KIAA1328: variants seen among roughly 807,000 people sequenced by gnomAD.
The protein encoded by KIAA1328 is KIAA1328, also known as protein hinderin.
A neutral mutation model predicts 68.1 loss-of-function variants in KIAA1328; 52 were observed. The ratio of observed to expected loss-of-function variants is 0.76; its 90% CI spans 0.61 to 0.96. The LOEUF (loss-of-function observed/expected upper bound fraction) is 0.96. Ranked by LOEUF, KIAA1328 falls within the 40% of genes least tolerant of loss-of-function variation. KIAA1328 has a pLI of 0.00. For missense variants in KIAA1328, 641 were observed against 677.6 expected, an observed-to-expected ratio of 0.95 and a Z score of 0.60; for synonymous variants, 232 against 239.4, an observed-to-expected ratio of 0.97 and a Z score of 0.28.
At chr18:37,151,100 A>G (rs2059018760) in intron 7 of KIAA1328, among the ~76,000 whole-genome samples, 1 of 152,222 alleles carries the variant, frequency 6.6e-6, no homozygotes, top group African/African-American at 2.4e-5. Context: ...CAATCACAGA[A>G]TGCAAATTCA....
At chr18:37,111,161 CT>C (rs2057919285) in intron 7 of KIAA1328, among the ~76,000 whole-genome samples, 1 of 152,166 alleles carries the variant, frequency 6.6e-6, no homozygotes, top group African/African-American at 2.4e-5. Context: ...AAGGAATTTG[CT>C]TACACAGCTG....
chr18:37,081,220 G>T (rs1430886601), intron 7 of KIAA1328, among the ~76,000 whole-genome samples: 1 of 152,058 alleles, frequency 6.6e-6, no homozygotes, highest in African/African-American at 2.4e-5. Flanking sequence ...GATCTCAAGT[G>T]ATCCACCCTC....
At chr18:37,062,027 G>C (rs1005557676) in intron 6 of KIAA1328, among the ~76,000 whole-genome samples, 8 of 152,086 alleles carry the variant, frequency 5.3e-5, no homozygotes, top group Non-Finnish European at 2.9e-5. Context: ...GTTAGATATG[G>C]TCCACGCGCT....
chr18:36,835,324 C>T lies in KIAA1328; in HGVS notation c.185C>T (p.Ala62Val). ...CTTAAGACTTCCAGGGTGACTGATG[C>T]TTCAATCTCCATGGAGTCCTTAAAA... ...VKLKTSRVTDASISMESLKGT... is the reference protein window; with the variant it reads ...VKLKTSRVTDVSISMESLKGT... The change falls in exon 3 of 10, where the codon GCT becomes GTT. Residue 62 changes from alanine (A) to valine (V), a missense_variant. By Grantham distance (64) the Ala-to-Val change is moderately conservative. Coordinates refer to ENST00000280020, the MANE Select transcript of KIAA1328 (RefSeq NM_020776.3). 6.2e-7 allele frequency: 1 copy of T among 1,613,678 alleles called. No homozygotes were observed. Among genetic ancestry groups the T allele is most frequent in the South Asian group, 1.1e-5 (1 of 91,062 alleles).
intron 6 of KIAA1328, among the ~76,000 whole-genome samples, chr18:37,017,448 G>A (rs1471225817): frequency 6.6e-6 from 1 of 152,100 alleles, no homozygotes; most frequent in East Asian, 1.9e-4. Flanking sequence ...TGGTTGATGG[G>A]TCATGTACTC....
intron 7 of KIAA1328, among the ~76,000 whole-genome samples, chr18:37,149,155 C>T (rs1169805348): frequency 5.9e-5 from 9 of 152,012 alleles, no homozygotes; most frequent in African/African-American, 1.9e-4. Flanking sequence ...GGAGGTATCA[C>T]GCTACTGTAC....
At chr18:36,852,145 T>C (rs148177235) in intron 4 of KIAA1328, among the ~76,000 whole-genome samples, 20 of 152,338 alleles carry the variant, frequency 1.3e-4, no homozygotes, top group Non-Finnish European at 2.5e-4. Context: ...GAAAAGGTAC[T>C]TTGTATGTTT....
intron 6 of KIAA1328, among the ~76,000 whole-genome samples, chr18:36,990,791 C>T (rs2151415196): frequency 6.6e-6 from 1 of 151,854 alleles, no homozygotes; most frequent in Non-Finnish European, 1.5e-5. Context: ...TTGTTAAATT[C>T]CCTAAAATGG....
intron 9 of KIAA1328, among the ~76,000 whole-genome samples, chr18:37,211,481 C>T (rs966853915): frequency 1.3e-5 from 2 of 152,210 alleles, no homozygotes; most frequent in South Asian, 4.1e-4. Context: ...TTGTCACTTG[C>T]ATGCTATGGA....
intron 7 of KIAA1328, among the ~76,000 whole-genome samples, chr18:37,076,301 A>G (rs2151772911): frequency 6.6e-6 from 1 of 152,278 alleles, no homozygotes; most frequent in African/African-American, 2.4e-5. Context: ...CAAAGACACA[A>G]CATACCAGAA....
chr18:36,945,879 TA>T (rs370882982), intron 5 of KIAA1328, among the ~76,000 whole-genome samples: 63 of 152,334 alleles, frequency 4.1e-4, no homozygotes, highest in African/African-American at 1.4e-3. Context: ...TGCTAATTGT[TA>T]TTACATGTTG....
At chr18:37,215,396 A>G (rs1383093201) in intron 9 of KIAA1328, among the ~76,000 whole-genome samples, 3 of 152,172 alleles carry the variant, frequency 2.0e-5, no homozygotes, top group Admixed American at 2.0e-4. Flanking sequence ...GTCTGCATCT[A>G]TTGAGATAAT....
chr18:36,866,876 T>C (rs2047771075), intron 4 of KIAA1328, among the ~76,000 whole-genome samples: 1 of 152,224 alleles, frequency 6.6e-6, no homozygotes, highest in African/African-American at 2.4e-5. Context: ...TCCTATGACA[T>C]ATTCAAGTAT....
intron 3 of KIAA1328, among the ~76,000 whole-genome samples, chr18:36,835,786 G>A (rs2046653646): frequency 6.6e-6 from 1 of 152,180 alleles, no homozygotes; most frequent in African/African-American, 2.4e-5. Context: ...CATAGTAATA[G>A]TATCGGTGCA....
At chr18:36,900,904 T>G (rs1295088004) in intron 5 of KIAA1328, among the ~76,000 whole-genome samples, 1 of 152,068 alleles carries the variant, frequency 6.6e-6, no homozygotes, top group Non-Finnish European at 1.5e-5. Flanking sequence ...TCCACACTTT[T>G]AGATACAGAG....
At chr18:36,910,876 C>A (rs1299237053) in intron 5 of KIAA1328, among the ~76,000 whole-genome samples, 2 of 152,024 alleles carry the variant, frequency 1.3e-5, no homozygotes, top group Non-Finnish European at 2.9e-5. Flanking sequence ...TGCCCTCTTG[C>A]TTTTCTGTCA....
In KIAA1328 at chr18:37,222,600, T is replaced by C; in HGVS notation, c.*373T>C. ...CTCACTTTTATATACAAGAAAAACC[T>C]TTCCACTGAAAAATCCCTCTGATTT... On this transcript the variant is annotated 3_prime_UTR_variant, in exon 10 of 10. Transcript: ENST00000280020. 2 of 1,043,428 alleles carry C rather than the reference T, an allele frequency of 1.9e-6. No homozygotes were observed. Among genetic ancestry groups the C allele is most frequent in the Non-Finnish European group, 1.2e-6 (1 of 866,144 alleles). The allele number at this position is 1,043,428 out of a possible 1,614,324, so 64.6% of individuals were successfully genotyped here. A position where few individuals can be genotyped will look rare whatever the true frequency, so the allele number is the denominator to read the frequency against.
At chr18:37,103,610 T>C (rs1296921887) in intron 7 of KIAA1328, among the ~76,000 whole-genome samples, 1 of 152,146 alleles carries the variant, frequency 6.6e-6, no homozygotes, top group African/African-American at 2.4e-5. Context: ...ATTTTATGGC[T>C]AAGACTTTAA....
At chr18:36,974,017 T>C (rs1395273375) in intron 6 of KIAA1328, among the ~76,000 whole-genome samples, 2 of 152,180 alleles carry the variant, frequency 1.3e-5, no homozygotes, top group Non-Finnish European at 2.9e-5. Context: ...TTATGTGTTA[T>C]CTAAATTAGA....
Sources: allele counts gnomAD v4.1 joint callset (sites outside exome capture counted in the v4.1 genomes callset), GRCh38; gene constraint gnomAD v4.1.1; transcripts MANE v1.5; gene names NCBI Gene and HGNC (gene_info 2026-07-23, HGNC 2026-07-21).